Variants in TPTE observed in about 807,000 individuals in gnomAD.
TPTE encodes the protein putative tyrosine-protein phosphatase TPTE.
In TPTE, 59 loss-of-function variants were observed where a neutral mutation model predicts 84.1. The ratio of observed to expected loss-of-function variants is 0.70; its 90% CI spans 0.57 to 0.87. The LOEUF is 0.87. Among genes scored for constraint, TPTE ranks in the 40% least tolerant of loss-of-function variants. TPTE has a pLI of 0.00. For missense variants in TPTE, 382 were observed against 659.6 expected (o/e 0.58, Z 4.61); for synonymous variants, 130 against 223.5 (o/e 0.58, Z 3.73).
intron 18 of TPTE, 27 bp downstream of exon 18, chr21:10,590,550 T>C (rs750943873): frequency 5.0e-6 from 8 of 1,613,628 alleles, no homozygotes; most frequent in Non-Finnish European, 6.8e-6. Context: ...ACAAACTTTG[T>C]CTTAGGATGA....
chr21:10,605,339 G>T (rs1297258085), intron 23 of TPTE, 78 bp from the exon 24 acceptor site: 1 of 1,539,492 alleles, frequency 6.5e-7, no homozygotes, highest in Admixed American at 2.1e-5. Flanking sequence ...GTTTCTTCCA[G>T]CTCTAACGTG....
intron 3 of TPTE, among the ~76,000 whole-genome samples, chr21:10,532,555 G>T (rs1318492667): frequency 6.6e-6 from 1 of 152,304 alleles, no homozygotes; most frequent in Non-Finnish European, 1.5e-5. Flanking sequence ...TTTGCCATGT[G>T]TTCCTTTTCC....
At chr21:10,599,490 T>C (rs1429251460) in intron 21 of TPTE, among the ~76,000 whole-genome samples, 6 of 152,310 alleles carry the variant, frequency 3.9e-5, no homozygotes, top group Admixed American at 1.3e-4. Context: ...AACATCCTTA[T>C]CTGTAAAATA....
chr21:10,545,874 A>G (rs1330981648), intron 7 of TPTE, among the ~76,000 whole-genome samples: 2 of 151,884 alleles, frequency 1.3e-5, no homozygotes, highest in East Asian at 3.9e-4. Context: ...CCCAAATAAC[A>G]TCAGTAGTCA....
intron 17 of TPTE, among the ~76,000 whole-genome samples, chr21:10,582,637 C>G (rs1238953851): frequency 6.6e-6 from 1 of 152,424 alleles, no homozygotes; most frequent in African/African-American, 2.4e-5. Context: ...CACATCTTTT[C>G]AAATATTCAT....
In TPTE at chr21:10,603,650, A is replaced by G. The variant is rs1978888925; in HGVS notation, c.1520+18A>G. 6.2e-7 allele frequency: 1 copy of G among 1,608,564 alleles called. No individual in the cohort carries two copies. The highest frequency in any genetic ancestry group is 2.2e-5 in the East Asian group (1 of 44,750). The stretch of plus-strand genomic sequence containing the variant: ...AATAACAGGTATGAATATAATAGAA[A>G]CCCATAGAAACAGCCTAATCTTCAA... On this transcript the variant is annotated intron_variant, in intron 23 of 23. Coordinates refer to ENST00000618007, the MANE Select transcript of TPTE (RefSeq NM_199261.4).
chr21:10,561,097 A>G lies in TPTE; in HGVS notation c.352A>G (p.Ser118Gly), dbSNP rs2074793424. 6 of 1,612,108 alleles carry G rather than the reference A, an allele frequency of 3.7e-6. No individual in the cohort carries two copies. Among genetic ancestry groups the G allele is most frequent in the Non-Finnish European group, 5.1e-6 (6 of 1,179,868 alleles). Residue 118 changes from serine to glycine, a missense_variant, in exon 10 of 24, where the codon AGC becomes GGC. Around this residue, in one of 10 missense-constraint regions of TPTE, gnomAD observed 85 missense variants for 230.9 expected, o/e 0.37. Coordinates refer to ENST00000618007, the MANE Select transcript of TPTE (RefSeq NM_199261.4). The part of the protein sequence containing the change: ...LILADLIFTD[S>G]KLYIPLEYRS... ...CCTTGCCGACCTAATTTTCACTGAC[A>G]GCAAACTTTATATTCCTTTGGAGTA... is the stretch of plus-strand genomic sequence containing the variant.
chr21:10,571,760 C>T (rs2075047858), intron 14 of TPTE, among the ~76,000 whole-genome samples: 1 of 152,310 alleles, frequency 6.6e-6, no homozygotes, highest in Admixed American at 6.5e-5. Flanking sequence ...GTTATCCCAG[C>T]ACTTTGAGAG....
intron 3 of TPTE, among the ~76,000 whole-genome samples, chr21:10,537,324 C>T (rs1224075744): frequency 2.6e-5 from 4 of 152,310 alleles, no homozygotes; most frequent in African/African-American, 7.2e-5. Flanking sequence ...TTCTGTAGCA[C>T]TGCCAAGTCT....
intron 4 of TPTE, chr21:10,540,809 T>A: frequency 3.7e-6 from 2 of 542,948 alleles, no homozygotes; most frequent in Admixed American, 3.8e-5. Flanking sequence ...GAAGGGAGAC[T>A]CAGGAACTAA....
chr21:10,590,536 T>G lies in TPTE; in HGVS notation c.1089+13T>G. ...TTCAACTGCAAAGGTATGAAAGATG[T>G]TCTACAAACTTTGTCTTAGGATGAT... On this transcript the variant is annotated intron_variant, in intron 18 of 23. Transcript: ENST00000618007. The G allele has an allele frequency of 6.2e-7, 1 of 1,613,942 alleles. No homozygotes were observed. The highest frequency in any genetic ancestry group is 8.5e-7 in the Non-Finnish European group (1 of 1,179,808).
intron 8 of TPTE, among the ~76,000 whole-genome samples, chr21:10,559,176 T>G (rs1386771562): frequency 6.6e-6 from 1 of 152,312 alleles, no homozygotes; most frequent in East Asian, 1.9e-4. Flanking sequence ...CTTTTCTGTC[T>G]TCATGCTATA....
intron 3 of TPTE, among the ~76,000 whole-genome samples, chr21:10,531,699 T>C (rs1156234897): frequency 6.6e-6 from 1 of 152,310 alleles, no homozygotes; most frequent in Non-Finnish European, 1.5e-5. Context: ...TTCTTCATTC[T>C]CTTCATGAAA....
intron 14 of TPTE, among the ~76,000 whole-genome samples, chr21:10,572,599 A>G (rs1377471233): frequency 6.6e-6 from 1 of 152,234 alleles, no homozygotes; most frequent in African/African-American, 2.4e-5. Flanking sequence ...TGATATATTC[A>G]AAGTACCGAA....
At chr21:10,579,482 C>T (rs1435798289) in intron 17 of TPTE, among the ~76,000 whole-genome samples, 2 of 152,426 alleles carry the variant, frequency 1.3e-5, no homozygotes, top group Admixed American at 6.5e-5. Context: ...AAGAACAAAA[C>T]TCCATCTAAA....
chr21:10,605,379 C>A (rs747052772), intron 23 of TPTE, 38 bp from the exon 24 acceptor site: 1 of 1,605,976 alleles, frequency 6.2e-7, no homozygotes, highest in African/African-American at 1.3e-5. Context: ...TTTCAGTGAG[C>A]CCCAATATAA....
At chr21:10,550,350 G>A (rs1002984215) in intron 7 of TPTE, among the ~76,000 whole-genome samples, 1 of 152,422 alleles carries the variant, frequency 6.6e-6, no homozygotes, top group Middle Eastern at 3.4e-3. Context: ...CACTTTACCG[G>A]TATAGAAACA....
At chr21:10,569,606 A>C in intron 12 of TPTE, 70 bp downstream of exon 12, 1 of 1,613,802 alleles carries the variant, frequency 6.2e-7, no homozygotes. Flanking sequence ...ACAAGGGTTG[A>C]TATCTATACT....
chr21:10,558,940 T>C lies in TPTE; in HGVS notation c.234-554T>C. ...AGCCCAGTCTTTCGGGTGTTTCTCC[T>C]TTGAAGTATATCTTACTAAAATGTC... On this transcript the variant is annotated intron_variant, in intron 8 of 23. Coordinates refer to ENST00000618007, the MANE Select transcript of TPTE (RefSeq NM_199261.4). Among the ~76,000 whole-genome samples, 3 of 152,426 alleles carry C rather than the reference T, an allele frequency of 2.0e-5. No individual in the cohort carries two copies. In the South Asian group the frequency reaches 6.2e-4, roughly 32 times the overall value.
Sources: gnomAD v4.1 joint callset for allele counts (sites outside exome capture counted in the v4.1 genomes callset) on GRCh38, gnomAD v4.1.1 for gene constraint, gnomAD v4.1.1 regional missense constraint, MANE v1.5 for transcripts, NCBI Gene and HGNC (gene_info 2026-07-23, HGNC 2026-07-21) for gene names.